Variants in MARCHF10 observed in about 807,000 individuals in gnomAD.
MARCHF10 encodes the protein probable E3 ubiquitin-protein ligase MARCHF10.
In MARCHF10, 64 loss-of-function variants were observed where a neutral mutation model predicts 76.2. That is an observed-to-expected ratio of 0.84 (90% CI 0.69 to 1.03). MARCHF10 has a LOEUF of 1.03. MARCHF10 is among the 50% of genes least tolerant of loss of function. The pLI, the probability that MARCHF10 is intolerant of heterozygous loss-of-function variation, is 0.00. For missense variants in MARCHF10, 875 were observed against 958.0 expected (o/e 0.91, Z 1.14); for synonymous variants, 340 against 357.5 (o/e 0.95, Z 0.55).
chr17:62,797,416 G>T (rs1433471791), intron 2 of MARCHF10, among the ~76,000 whole-genome samples: 1 of 152,170 alleles, frequency 6.6e-6, no homozygotes, highest in Non-Finnish European at 1.5e-5. Flanking sequence ...ATGTTGGCCA[G>T]GCTGGTTTTG....
intron 9 of MARCHF10, among the ~76,000 whole-genome samples, chr17:62,708,221 C>T (rs376805561): frequency 1.3e-5 from 2 of 151,132 alleles, no homozygotes; most frequent in Admixed American, 6.6e-5. Flanking sequence ...ACTCAGGACT[C>T]GCCTCCTGGA....
chr17:62,754,834 C>A (rs190466289), intron 4 of MARCHF10, among the ~76,000 whole-genome samples: 1 of 152,214 alleles, frequency 6.6e-6, no homozygotes, highest in East Asian at 1.9e-4. Context: ...GTTGGACTTG[C>A]CGCGAAAACC....
At chr17:62,795,124 C>T in intron 2 of MARCHF10, 1 of 917,696 alleles carries the variant, frequency 1.1e-6, no homozygotes, top group Non-Finnish European at 1.3e-6. Context: ...CAAACCCTTG[C>T]CACCCGCTAT....
rs1046450858 is a variant in MARCHF10 at position 62,769,444 on chromosome 17, G to C, written c.211-9438C>G. On this transcript the variant is annotated intron_variant, in intron 3 of 10. Coordinates refer to ENST00000311269, the MANE Select transcript of MARCHF10 (RefSeq NM_152598.4). The stretch of plus-strand genomic sequence containing the variant: ...TGTTTGTTTGTTTGTTTGAGACAGA[G>C]TCTCGCTCTGTCACCTAGGCTGAAG... 1.7e-4 allele frequency among the ~76,000 whole-genome samples: 26 copies of C among 152,248 alleles called. No homozygotes were observed. In the South Asian group the frequency reaches 1.9e-3, roughly 11 times the overall value.
intron 8 of MARCHF10, among the ~76,000 whole-genome samples, chr17:62,713,552 T>C (rs954220255): frequency 6.6e-6 from 1 of 152,250 alleles, no homozygotes; most frequent in Non-Finnish European, 1.5e-5. Flanking sequence ...GAGCTGGTGA[T>C]GCTCGACAAA....
Position 62,736,438 on chromosome 17 carries a change from A to C in MARCHF10, c.1430T>G (p.Met477Arg). Residue 477 changes from methionine (M) to arginine (R), a missense_variant, in exon 6 of 11, where the codon ATG (methionine) becomes AGG (arginine). Coordinates refer to ENST00000311269, the MANE Select transcript of MARCHF10 (RefSeq NM_152598.4). The stretch of plus-strand genomic sequence containing the variant: ...AATATCATCTCTCAGAGCAGAATGC[A>C]TGAATGATGCAGGAGGGTTATAGGA... ...NSSYNPPASF[M>R]HSALRDDIPV... 6.2e-7 allele frequency: 1 copy of C among 1,614,220 alleles called. No homozygotes were observed.
At chr17:62,797,685 T>A (rs1279443628) in intron 2 of MARCHF10, among the ~76,000 whole-genome samples, 1 of 152,222 alleles carries the variant, frequency 6.6e-6, no homozygotes, top group African/African-American at 2.4e-5. Flanking sequence ...GTCTTGGGCC[T>A]GCCTTTAAGT....
Position 62,744,433 on chromosome 17 carries a change from C to T in MARCHF10, c.478G>A (p.Asp160Asn), listed in dbSNP as rs369065479. ...CACTGCTGTTTCTGTCTGCTTCTGT[C>T]CCCAGATGCTCTCGGGCTGTGCGAT... ...PESHSPRASG[D>N]RSRQKQQWPA... Residue 160 changes from aspartate (D) to asparagine (N), a missense_variant, in exon 5 of 11, where the codon GAC (aspartate) becomes AAC (asparagine). By Grantham distance (23) the Asp-to-Asn change is conservative. Transcript: ENST00000311269. 1 of 1,614,182 alleles carries T rather than the reference C, an allele frequency of 6.2e-7. No individual in the cohort carries two copies. The highest frequency in any genetic ancestry group is 2.2e-5 in the East Asian group (1 of 44,878).
chr17:62,742,143 C>T (rs180742606), intron 5 of MARCHF10, among the ~76,000 whole-genome samples: 44 of 151,992 alleles, frequency 2.9e-4, no homozygotes, highest in African/African-American at 9.9e-4. Context: ...CCTCAGCCTC[C>T]GGAGTAGCTA....
At chr17:62,799,941 T>A (rs962119466) in intron 2 of MARCHF10, among the ~76,000 whole-genome samples, 1 of 152,046 alleles carries the variant, frequency 6.6e-6, no homozygotes, top group African/African-American at 2.4e-5. Context: ...GGGGGATCTT[T>A]CCCATAATTC....
At chr17:62,737,673 G>A (rs774249231) in intron 5 of MARCHF10, 7 of 231,166 alleles carry the variant, frequency 3.0e-5, no homozygotes, top group Admixed American at 1.7e-4. Context: ...TGTTCCATAC[G>A]TACTGAAAGG....
At chr17:62,701,872 A>C in intron 10 of MARCHF10, 114 bp from the exon 11 acceptor site, 1 of 1,383,606 alleles carries the variant, frequency 7.2e-7, no homozygotes, top group South Asian at 1.2e-5. Flanking sequence ...AGGCCCAGCC[A>C]CCCACATGGC....
At chr17:62,802,525 T>G (rs904797862) in intron 1 of MARCHF10, among the ~76,000 whole-genome samples, 4 of 152,164 alleles carry the variant, frequency 2.6e-5, no homozygotes. Context: ...TGGCCTGTGT[T>G]GCTTATAATC....
At chr17:62,789,584 G>A (rs1254405715) in intron 2 of MARCHF10, among the ~76,000 whole-genome samples, 1 of 152,176 alleles carries the variant, frequency 6.6e-6, no homozygotes, top group Admixed American at 6.5e-5. Flanking sequence ...TGAGAACCCT[G>A]AGAGTAAGGA....
At chr17:62,764,432 G>T (rs1285999623) in intron 3 of MARCHF10, among the ~76,000 whole-genome samples, 1 of 152,210 alleles carries the variant, frequency 6.6e-6, no homozygotes, top group Non-Finnish European at 1.5e-5. Flanking sequence ...GGCACAGCTT[G>T]CTGTGGATGG....
Position 62,736,871 on chromosome 17 carries a change from C to A in MARCHF10, c.997G>T (p.Glu333Ter). 1 of 1,613,956 alleles carries A rather than the reference C, an allele frequency of 6.2e-7. No homozygotes were observed. Among genetic ancestry groups the A allele is most frequent in the Non-Finnish European group, 8.5e-7 (1 of 1,179,894 alleles). ...STPQAKNKNF[E>*]ENAENCRGHS... ...CCTCTGCAATTTTCAGCATTTTCTT[C>A]AAAATTTTTATTTTTGGCCTGAGGG... Residue 333 changes from glutamate (E) to a stop codon, truncating the protein, a stop_gained, in exon 6 of 11, where the codon GAA becomes TAA. Transcript: ENST00000311269. LOFTEE classifies it high-confidence loss of function.
intron 3 of MARCHF10, among the ~76,000 whole-genome samples, chr17:62,764,365 C>T (rs1378327021): frequency 6.6e-6 from 1 of 152,170 alleles, no homozygotes; most frequent in Non-Finnish European, 1.5e-5. Context: ...CCGAACCCAT[C>T]TTTGCCGTGA....
At chr17:62,778,800 T>C (rs36006662) in intron 3 of MARCHF10, among the ~76,000 whole-genome samples, 1,586 of 151,716 alleles carry the variant, frequency 0.01, 48 homozygotes, top group Admixed American at 0.071. Context: ...GTTTGATTGC[T>C]GGAAGTAGGA....
At chr17:62,737,423 G>T in intron 5 of MARCHF10, 91 bp from the exon 6 acceptor site, 1 of 1,186,964 alleles carries the variant, frequency 8.4e-7, no homozygotes, top group Non-Finnish European at 1.2e-6. Flanking sequence ...CCCTTTAAAT[G>T]CAACAGACAA....
Sources: allele counts gnomAD v4.1 joint callset (sites outside exome capture counted in the v4.1 genomes callset), GRCh38; gene constraint gnomAD v4.1.1; transcripts MANE v1.5; gene names NCBI Gene and HGNC (gene_info 2026-07-23, HGNC 2026-07-21).